CLNK: variants seen among roughly 807,000 people sequenced by gnomAD.
CLNK encodes the protein cytokine dependent hematopoietic cell linker.
Under a neutral mutation model 68.6 loss-of-function variants are expected in CLNK, and 74 were observed. That is an observed-to-expected ratio of 1.08 (90% CI 0.89 to 1.31). The LOEUF (loss-of-function observed/expected upper bound fraction) is 1.31. Among genes scored for constraint, CLNK ranks in the 50% most tolerant of loss-of-function variants. The pLI is 0.00. For missense variants in CLNK, 553 were observed against 515.3 expected (o/e 1.07, Z -0.71); for synonymous variants, 198 against 172.2 (o/e 1.15, Z -1.17).
chr4:10,713,145 T>C, the CLNK span, among the ~76,000 whole-genome samples: 17 of 152,178 alleles, frequency 1.1e-4, no homozygotes, highest in Non-Finnish European at 1.6e-4. Context: ...GGCTTTTTTC[T>C]GGGCAGTAGG....
At chr4:10,537,619 C>G (rs752739195) in intron 11 of CLNK, among the ~76,000 whole-genome samples, 33 of 141,604 alleles carry the variant, frequency 2.3e-4, no homozygotes, top group Middle Eastern at 3.7e-3. Flanking sequence ...CTTTCTCTCT[C>G]TCTTTCTTTC....
upstream of CLNK, among the ~76,000 whole-genome samples, chr4:10,688,549 G>T (rs1300757822): frequency 1.3e-5 from 2 of 152,100 alleles, no homozygotes; most frequent in Non-Finnish European, 2.9e-5. Flanking sequence ...ACTGGCTTAG[G>T]TCAAATCCCA....
chr4:10,691,130 T>C, the CLNK span, among the ~76,000 whole-genome samples: 2 of 152,066 alleles, frequency 1.3e-5, no homozygotes. Context: ...CATGAGAAGT[T>C]CCAAGGAAGA....
chr4:10,660,774 A>T (rs1271934836), intron 2 of CLNK, among the ~76,000 whole-genome samples: 1 of 152,192 alleles, frequency 6.6e-6, no homozygotes, highest in Non-Finnish European at 1.5e-5. Context: ...GACCATCTTT[A>T]TTGAGTCTCG....
chr4:10,663,602 A>G (rs1724278117), intron 2 of CLNK, among the ~76,000 whole-genome samples: 2 of 152,248 alleles, frequency 1.3e-5, no homozygotes, highest in South Asian at 2.1e-4. Context: ...GTCTGCATAC[A>G]TATACATGCA....
intron 2 of CLNK, among the ~76,000 whole-genome samples, chr4:10,651,413 A>T (rs1723730742): frequency 6.6e-6 from 1 of 152,196 alleles, no homozygotes; most frequent in Admixed American, 6.5e-5. Flanking sequence ...ATGGATAAAG[A>T]TGGAAACAAA....
chr4:10,542,085 G>GA (rs774459333), intron 9 of CLNK, 44 bp from the exon 10 acceptor site: 31 of 1,520,826 alleles, frequency 2.0e-5, no homozygotes, highest in Non-Finnish European at 2.7e-5. Context: ...ATTGTTCTGT[G>GA]AGCAGGGCCA....
At chr4:10,570,671 A>C (rs955204264) in intron 5 of CLNK, among the ~76,000 whole-genome samples, 1 of 152,228 alleles carries the variant, frequency 6.6e-6, no homozygotes, top group African/African-American at 2.4e-5. Context: ...GAGTTTATGA[A>C]CAGAATCAAT....
chr4:10,656,429 G>C (rs1277500210), intron 2 of CLNK: 1 of 151,426 alleles, frequency 6.6e-6, no homozygotes, highest in African/African-American at 2.4e-5. Context: ...TATCTGAAAG[G>C]ATGCTTAGCT....
chr4:10,569,189 T>C (rs1459301129), intron 5 of CLNK, among the ~76,000 whole-genome samples: 5 of 73,476 alleles, frequency 6.8e-5, no homozygotes, highest in East Asian at 3.1e-4. Context: ...AAGACTGCCC[T>C]TTTTTTTTTT....
At chr4:10,681,918 A>C (rs747030234) in intron 1 of CLNK, among the ~76,000 whole-genome samples, 8 of 152,224 alleles carry the variant, frequency 5.3e-5, no homozygotes, top group Non-Finnish European at 8.8e-5. Context: ...CACCTACTTA[A>C]AAAGTGAGAA....
At chr4:10,725,733 T>A in the CLNK span, among the ~76,000 whole-genome samples, 1 of 151,476 alleles carries the variant, frequency 6.6e-6, no homozygotes, top group Non-Finnish European at 1.5e-5. Context: ...CGGGCGCCTG[T>A]AGTCCCAGCT....
chr4:10,718,202 T>C, the CLNK span, among the ~76,000 whole-genome samples: 1 of 152,124 alleles, frequency 6.6e-6, no homozygotes, highest in African/African-American at 2.4e-5. Context: ...ATTCATGCCA[T>C]TGGAGCCCAA....
chr4:10,537,690 C>CTTTCTTTCTTT (rs1718840221), intron 11 of CLNK, among the ~76,000 whole-genome samples: 1 of 9,358 alleles, frequency 1.1e-4, no homozygotes, highest in Admixed American at 9.9e-4. Flanking sequence ...TTCCTTCCTT[C>CTTTCTTTCTTT]CTTCCTTCCT....
At chr4:10,520,890 T>G in intron 14 of CLNK, 59 bp from the exon 15 acceptor site, 1 of 1,321,040 alleles carries the variant, frequency 7.6e-7, no homozygotes, top group Non-Finnish European at 1.1e-6. Context: ...GTGGTAAAAT[T>G]CCACTCAGAG....
At chr4:10,585,149 T>C (rs1465861160) in intron 3 of CLNK, among the ~76,000 whole-genome samples, 194 bp from the exon 4 acceptor site, 1 of 152,240 alleles carries the variant, frequency 6.6e-6, no homozygotes, top group East Asian at 1.9e-4. Flanking sequence ...ATTTCTATTT[T>C]CTGGAAAATA....
chr4:10,572,417 T>C (rs1390788782), intron 4 of CLNK, among the ~76,000 whole-genome samples: 2 of 152,218 alleles, frequency 1.3e-5, no homozygotes, highest in Admixed American at 6.5e-5. Context: ...CCTGGGGTCA[T>C]TGAGCCCACT....
intron 12 of CLNK, among the ~76,000 whole-genome samples, chr4:10,528,861 A>C (rs892893845): frequency 2.0e-5 from 3 of 152,224 alleles, no homozygotes; most frequent in Non-Finnish European, 4.4e-5. Context: ...GGAAATATTC[A>C]CATTATCCTT....
chr4:10,696,910 C>T, the CLNK span, among the ~76,000 whole-genome samples: 1 of 152,204 alleles, frequency 6.6e-6, no homozygotes, highest in South Asian at 2.1e-4. Flanking sequence ...GGCCCTTCCC[C>T]AGATCACTGA....
Sources: gnomAD v4.1 joint callset for allele counts (sites outside exome capture counted in the v4.1 genomes callset) on GRCh38, gnomAD v4.1.1 for gene constraint, MANE v1.5 for transcripts, NCBI Gene and HGNC (gene_info 2026-07-23, HGNC 2026-07-21) for gene names.